Variants in CEP44 observed in about 807,000 individuals in gnomAD.
CEP44 encodes centrosomal protein of 44 kDa.
CEP44 carries 45 observed loss-of-function variants against 46.7 expected under a neutral mutation model. That is an observed-to-expected ratio of 0.96 (90% CI 0.76 to 1.24). The LOEUF (loss-of-function observed/expected upper bound fraction) is 1.24, where lower values mean the gene tolerates loss of function less well. CEP44 is among the 50% of genes most tolerant of loss of function. The pLI, the probability that CEP44 is intolerant of heterozygous loss-of-function variation, is 0.00. For synonymous variants in CEP44, 142 were observed against 146.0 expected (o/e 0.97, Z 0.20); for missense variants, 475 against 459.7 (o/e 1.03, Z -0.30).
At position 174,316,203 on chromosome 4, in the gene CEP44, T is replaced by A; in HGVS notation, c.999T>A (p.Pro333=). ...KSEVERPASI[P]LSSGYSTASS... is the part of the protein sequence containing the mutation. ...AAGTAGAGAGGCCAGCAAGTATTCC[T>A]CTGTCCTCTGGCTATAGTACAGCAT... Residue 333 remains proline, a synonymous_variant, in exon 10 of 12, where the codon CCT becomes CCA. Coordinates refer to ENST00000503780, the MANE Select transcript of CEP44 (RefSeq NM_001040157.3). 6.2e-7 allele frequency: 1 copy of A among 1,613,892 alleles called. No homozygotes were observed. Among genetic ancestry groups the A allele is most frequent in the Non-Finnish European group, 8.5e-7 (1 of 1,179,864 alleles).
At position 174,318,080 on chromosome 4, in the gene CEP44, G is replaced by A. The variant is rs1417932355; in HGVS notation, c.*697G>A. 3 of 984,886 alleles carry A rather than the reference G, an allele frequency of 3.0e-6. No individual in the cohort carries two copies. The highest frequency in any genetic ancestry group is 2.3e-4 in the East Asian group (2 of 8,818). 61.0% of individuals were successfully genotyped at this position (984,886 alleles called of 1,614,324 possible). A position where few individuals can be genotyped will look rare whatever the true frequency, so the allele number is the denominator to read the frequency against. Reference sequence around the variant, plus strand: ...TCTATTGTATAATTTTTTTGGAGGGGGGGATGGAGTTTCGCTGTTGTTGCC... The same window carrying A: ...TCTATTGTATAATTTTTTTGGAGGGAGGGATGGAGTTTCGCTGTTGTTGCC... On this transcript the variant is annotated 3_prime_UTR_variant, in exon 12 of 12. Transcript: ENST00000503780.
At position 174,319,977 on chromosome 4, in the gene CEP44, A is replaced by G. The variant is rs10565; in HGVS notation, c.*2594A>G. On this transcript the variant is annotated 3_prime_UTR_variant, in exon 12 of 12. Transcript: ENST00000503780. ...TTCTGAAGAGATTACCTAGAGCTAC[A>G]TAACCCTAAGTTAAGTAAAATTTTC... is the stretch of plus-strand genomic sequence containing the variant. The G allele has an allele frequency of 2.0e-6, 2 of 984,954 alleles. No individual in the cohort carries two copies. Among genetic ancestry groups the G allele is most frequent in the East Asian group, 2.3e-4 (2 of 8,832 alleles). 61.0% of individuals were successfully genotyped at this position (984,954 alleles called of 1,614,324 possible). A position where few individuals can be genotyped will look rare whatever the true frequency, so the allele number is the denominator to read the frequency against.
chr4:174,288,922 G>T lies in CEP44; in HGVS notation c.-148+4979G>T, dbSNP rs1737853592. 6.6e-6 allele frequency among the ~76,000 whole-genome samples: 1 copy of T among 151,988 alleles called. No homozygotes were observed. Among genetic ancestry groups the T allele is most frequent in the Non-Finnish European group, 1.5e-5 (1 of 67,964 alleles). ...ATTTTGTTTTTCCTTTACCTAATTT[G>T]CTATAAGGTTCTTCCATACCTAGTT... On this transcript the variant is annotated intron_variant, in intron 1 of 11. Transcript: ENST00000503780. This position sits in a 1 kb window ranked among gnomAD's most constrained non-coding sequence, Gnocchi z 4.6.
At chr4:174,333,380 G>C (rs1161222167) in exon 9 of CEP44, 1 of 150,368 alleles carries the variant, frequency 6.7e-6, no homozygotes, top group Non-Finnish European at 1.5e-5. Context: ...ATGTCAGCAG[G>C]CTTTGCTTTA....
chr4:174,286,877 T>C lies in CEP44; in HGVS notation c.-148+2934T>C, dbSNP rs78162949. On this transcript the variant is annotated intron_variant, in intron 1 of 11. Transcript: ENST00000503780. This position sits in a 1 kb window ranked among gnomAD's most constrained non-coding sequence, Gnocchi z 5.2. ...TCTTCAGAGTCATATTCCTGTTTCA[T>C]AGGCCCCATGTATGTCAGCTTTTAG... 3.5e-3 allele frequency among the ~76,000 whole-genome samples: 539 copies of C among 152,368 alleles called. 3 individuals are homozygous for C. Among genetic ancestry groups the C allele is most frequent in the Middle Eastern group, 0.017 (5 of 294 alleles).
At chr4:174,321,780 A>G (rs931644087), downstream of CEP44, among the ~76,000 whole-genome samples, 21 of 152,296 alleles carry the variant, frequency 1.4e-4, no homozygotes, top group East Asian at 5.8e-4. Flanking sequence ...TGTCAAGGAA[A>G]TCTCATTTGA....
intron 6 of CEP44, among the ~76,000 whole-genome samples, chr4:174,307,334 C>T (rs1224137989): frequency 6.6e-6 from 1 of 152,130 alleles, no homozygotes; most frequent in African/African-American, 2.4e-5. Context: ...AGATCTTCAA[C>T]AAACCTGATG....
At chr4:174,292,173 A>G (rs1316891538) in intron 1 of CEP44, among the ~76,000 whole-genome samples, 1 of 152,042 alleles carries the variant, frequency 6.6e-6, no homozygotes, top group Non-Finnish European at 1.5e-5. Context: ...AGTATGTTGA[A>G]TATGTCATTC....
chr4:174,305,074 A>T (rs1221665895), intron 6 of CEP44, among the ~76,000 whole-genome samples: 1 of 152,242 alleles, frequency 6.6e-6, no homozygotes, highest in Non-Finnish European at 1.5e-5. Flanking sequence ...AAGGATGTGA[A>T]TACTTTCTGA....
intron 1 of CEP44, among the ~76,000 whole-genome samples, chr4:174,294,180 G>C (rs1738564382): frequency 1.3e-5 from 2 of 151,154 alleles, no homozygotes; most frequent in African/African-American, 4.9e-5. Context: ...CCTATGCAGA[G>C]GACCCTGCGG....
Position 174,316,178 on chromosome 4 carries a change from A to G in CEP44, c.974A>G (p.Glu325Gly). ...AATTTCTTCACAGACAGAAAAAGCG[A>G]AGTAGAGAGGCCAGCAAGTATTCCT... ...MDLLNPHRKS[E>G]VERPASIPLS... Residue 325 changes from glutamate to glycine, a missense_variant, in exon 10 of 12, where the codon GAA becomes GGA. By Grantham distance (98) the Glu-to-Gly change is moderately conservative. Transcript: ENST00000503780. The G allele has an allele frequency of 6.2e-7, 1 of 1,612,490 alleles. No individual in the cohort carries two copies. The highest frequency in any genetic ancestry group is 8.5e-7 in the Non-Finnish European group (1 of 1,179,682).
In CEP44 at chr4:174,310,208, G is replaced by A. The variant is rs926365818; in HGVS notation, c.885+152G>A. On this transcript the variant is annotated intron_variant, in intron 8 of 11. Coordinates refer to ENST00000503780, the MANE Select transcript of CEP44 (RefSeq NM_001040157.3). The surrounding 1 kb of genome is among the most constrained non-coding windows in gnomAD (Gnocchi z 4.2). ...TAGAATGAAGTCCTGTTTAAATATA[G>A]CCTGTATGTTGTTGTGGCTGTTGTT... The A allele has an allele frequency of 8.5e-6, 6 of 702,356 alleles. No individual in the cohort carries two copies. Among genetic ancestry groups the A allele is most frequent in the African/African-American group, 1.8e-5 (1 of 55,446 alleles). 43.5% of individuals were successfully genotyped at this position (702,356 alleles called of 1,614,324 possible).
Position 174,301,032 on chromosome 4 carries a change from T to TA in CEP44, c.90-1006dup, listed in dbSNP as rs544017231. Among the ~76,000 whole-genome samples, 54 of 152,072 alleles carry TA rather than the reference T, an allele frequency of 3.6e-4. No homozygotes were observed. Among genetic ancestry groups the TA allele is most frequent in the Non-Finnish European group, 6.9e-4 (47 of 67,968 alleles). On this transcript the variant is annotated intron_variant, in intron 3 of 11. Coordinates refer to ENST00000503780, the MANE Select transcript of CEP44 (RefSeq NM_001040157.3). This position sits in a 1 kb window ranked among gnomAD's most constrained non-coding sequence, Gnocchi z 4.3. ...GGAGTTTTCTGATTGGGTGAAATAT[T>TA]ACAGTATTTCAAAGAAACATAAAAG...
chr4:174,320,367 A>T (rs981779580), downstream of CEP44: 2 of 948,752 alleles, frequency 2.1e-6, no homozygotes, highest in Non-Finnish European at 2.5e-6. Flanking sequence ...ATAACTTTAT[A>T]TAATTGATAC....
intron 1 of CEP44, among the ~76,000 whole-genome samples, chr4:174,295,129 G>C (rs1738802509): frequency 6.6e-6 from 1 of 150,610 alleles, no homozygotes; most frequent in Non-Finnish European, 1.5e-5. Flanking sequence ...GGCGGGGGCT[G>C]ACCCTCACCT....
intron 6 of CEP44, 52 bp downstream of exon 6, chr4:174,304,421 C>T: frequency 6.3e-7 from 1 of 1,578,028 alleles, no homozygotes; most frequent in South Asian, 1.2e-5. Context: ...TCTAATTAAT[C>T]CAATATACAG....
At position 174,317,587 on chromosome 4, in the gene CEP44, C is replaced by CTT. The variant is rs34842155; in HGVS notation, c.*216_*217dup. The stretch of plus-strand genomic sequence containing the variant: ...GATTATACTGCTTTACCTTGTGTCA[C>CTT]TTTTTTTTTTTTTAGGAAAAACTCA... On this transcript the variant is annotated 3_prime_UTR_variant, in exon 12 of 12. Transcript: ENST00000503780. 6.2e-4 allele frequency: 546 copies of CTT among 880,940 alleles called. No homozygotes were observed. Among genetic ancestry groups the CTT allele is most frequent in the East Asian group, 1.8e-3 (29 of 16,176 alleles). The allele number at this position is 880,940 out of a possible 1,614,324, so 54.6% of individuals were successfully genotyped here.
intron 6 of CEP44, among the ~76,000 whole-genome samples, chr4:174,307,519 A>C (rs1740558886): frequency 2.6e-5 from 4 of 152,218 alleles, no homozygotes; most frequent in Admixed American, 2.6e-4. Flanking sequence ...CTGGAAGACA[A>C]CCTAGGCAGT....
downstream of CEP44, among the ~76,000 whole-genome samples, chr4:174,322,385 A>G (rs1319776337): frequency 6.6e-6 from 1 of 152,026 alleles, no homozygotes; most frequent in Non-Finnish European, 1.5e-5. Context: ...TCTGCACCAC[A>G]TTGGCTGGTA....
Sources: gnomAD v4.1 joint callset for allele counts (sites outside exome capture counted in the v4.1 genomes callset) on GRCh38, gnomAD v4.1.1 for gene constraint, Gnocchi (gnomAD v3.1) non-coding constraint, MANE v1.5 for transcripts, NCBI Gene and HGNC (gene_info 2026-07-23, HGNC 2026-07-21) for gene names.